SLC12A8: variants seen among roughly 807,000 people sequenced by gnomAD.
SLC12A8 encodes the protein cation-chloride cotransporter 9.
A neutral mutation model predicts 75.6 loss-of-function variants in SLC12A8; 69 were observed. That is an observed-to-expected ratio of 0.91 (90% CI 0.75 to 1.11). The LOEUF (loss-of-function observed/expected upper bound fraction) is 1.11. SLC12A8 is among the 50% of genes most tolerant of loss of function. The pLI is 0.00. For synonymous variants in SLC12A8, 365 were observed against 372.8 expected (o/e 0.98, Z 0.24); for missense variants, 877 against 896.7 (o/e 0.98, Z 0.28).
chr3:125,109,027 C>A (rs774224730), intron 9 of SLC12A8, among the ~76,000 whole-genome samples: 2 of 152,200 alleles, frequency 1.3e-5, no homozygotes, highest in Non-Finnish European at 2.9e-5. Context: ...AGTTCTTGGG[C>A]CAAAAGCAAC....
intron 6 of SLC12A8, among the ~76,000 whole-genome samples, chr3:125,121,585 A>AT (rs1336000410): frequency 1.3e-5 from 2 of 152,150 alleles, no homozygotes; most frequent in Non-Finnish European, 1.5e-5. Flanking sequence ...CTTTACATGC[A>AT]TTTTTTTATC....
At chr3:125,112,461 C>G (rs1939211513) in intron 8 of SLC12A8, among the ~76,000 whole-genome samples, 1 of 152,130 alleles carries the variant, frequency 6.6e-6, no homozygotes, top group Non-Finnish European at 1.5e-5. Context: ...CTGCCAGCAC[C>G]CTGAGCACCT....
Position 125,155,625 on chromosome 3 carries a change from G to GCGAGCAC in SLC12A8, c.623-19844_623-19843insGTGCTCG, listed in dbSNP as rs538840861. Among the ~76,000 whole-genome samples the GCGAGCAC allele has an allele frequency of 3.3e-5, 4 of 119,586 alleles. 1 individual carries two copies. Among genetic ancestry groups the GCGAGCAC allele is most frequent in the East Asian group, 2.5e-4 (1 of 3,958 alleles). The allele number at this position is 119,586 out of a possible 152,430, so 78.5% of individuals were successfully genotyped here. A position where few individuals can be genotyped will look rare whatever the true frequency, so the allele number is the denominator to read the frequency against. On this transcript the variant is annotated intron_variant, in intron 5 of 13. Coordinates refer to ENST00000469902, the MANE Select transcript of SLC12A8 (RefSeq NM_024628.6). ...TCTCTACTAAAAATACAAAAAAGTA[G>GCGAGCAC]CTGTAGTCCCAGCTACTCGGGAGGC...
At chr3:125,117,548 T>A (rs771441910) in intron 8 of SLC12A8, among the ~76,000 whole-genome samples, 27 of 152,142 alleles carry the variant, frequency 1.8e-4, no homozygotes, top group Non-Finnish European at 3.7e-4. Context: ...ATGAGCCATG[T>A]TCACGTCACT....
chr3:125,149,144 C>T (rs1040556620), intron 5 of SLC12A8, among the ~76,000 whole-genome samples: 7 of 152,202 alleles, frequency 4.6e-5, no homozygotes, highest in East Asian at 1.9e-4. Flanking sequence ...GCCAGGGAGT[C>T]GGGCCAGCCC....
chr3:125,206,645 A>C (rs1221819447), intron 2 of SLC12A8: 1 of 152,284 alleles, frequency 6.6e-6, no homozygotes, highest in Non-Finnish European at 1.5e-5. Context: ...GTGCATTGCT[A>C]TAAAGAAATA....
intron 5 of SLC12A8, among the ~76,000 whole-genome samples, chr3:125,172,048 C>T (rs1033617364): frequency 9.9e-5 from 15 of 152,114 alleles, no homozygotes; most frequent in Admixed American, 3.9e-4. Flanking sequence ...CAGAGGCAGG[C>T]GGATCACCTG....
chr3:125,189,695 G>A (rs959752962), intron 3 of SLC12A8, among the ~76,000 whole-genome samples: 2 of 152,200 alleles, frequency 1.3e-5, no homozygotes, highest in African/African-American at 4.8e-5. Context: ...TGACTGGCTT[G>A]CCTTTTGTTC....
intron 2 of SLC12A8, among the ~76,000 whole-genome samples, chr3:125,199,687 A>G (rs1297912996): frequency 6.6e-6 from 1 of 152,012 alleles, no homozygotes; most frequent in Non-Finnish European, 1.5e-5. Context: ...TCGAGGCTAC[A>G]ATGAACTATG....
At chr3:125,137,851 T>G (rs1933529789) in intron 5 of SLC12A8, among the ~76,000 whole-genome samples, 1 of 152,190 alleles carries the variant, frequency 6.6e-6, no homozygotes, top group South Asian at 2.1e-4. Flanking sequence ...AGTTGCCATC[T>G]CTTGCAGGGC....
chr3:125,099,658 G>A lies in SLC12A8; in HGVS notation c.1706-7460C>T, dbSNP rs1000588722. Reference sequence around the variant, plus strand: ...AAATATAAACTAAAGGCCAGGTACAGTGGCTCATGCCTGTAATCCCAGCAC... The same window carrying A: ...AAATATAAACTAAAGGCCAGGTACAATGGCTCATGCCTGTAATCCCAGCAC... On this transcript the variant is annotated intron_variant, in intron 10 of 13. Coordinates refer to ENST00000469902, the MANE Select transcript of SLC12A8 (RefSeq NM_024628.6). 2.0e-5 allele frequency among the ~76,000 whole-genome samples: 3 copies of A among 152,360 alleles called. No homozygotes were observed. In the South Asian group the frequency reaches 6.2e-4, roughly 32 times the overall value.
chr3:125,121,927 C>T (rs1933071015), intron 6 of SLC12A8, among the ~76,000 whole-genome samples: 1 of 152,154 alleles, frequency 6.6e-6, no homozygotes, highest in African/African-American at 2.4e-5. Context: ...GAGGACTTTA[C>T]CCATCGTAGG....
At chr3:125,138,128 G>T (rs1412279628) in intron 5 of SLC12A8, among the ~76,000 whole-genome samples, 1 of 152,244 alleles carries the variant, frequency 6.6e-6, no homozygotes. Flanking sequence ...GGGGTCGGGT[G>T]CAGTGGCTCA....
intron 2 of SLC12A8, among the ~76,000 whole-genome samples, chr3:125,202,312 C>A (rs1027679848): frequency 6.6e-5 from 10 of 152,066 alleles, no homozygotes; most frequent in Non-Finnish European, 1.3e-4. Context: ...TGTGTTTTGG[C>A]CAGAGAAAGT....
chr3:125,203,359 C>T (rs1286728354), intron 2 of SLC12A8, among the ~76,000 whole-genome samples: 1 of 152,028 alleles, frequency 6.6e-6, no homozygotes, highest in East Asian at 1.9e-4. Flanking sequence ...CCATGGTAGC[C>T]AAAACAGCAT....
At chr3:125,207,951 T>C (rs1250004973) in intron 2 of SLC12A8, among the ~76,000 whole-genome samples, 1 of 152,234 alleles carries the variant, frequency 6.6e-6, no homozygotes, top group Non-Finnish European at 1.5e-5. Flanking sequence ...TGGCATCTCC[T>C]TTAATCTCAT....
At chr3:125,177,995 G>A in intron 4 of SLC12A8, 21 bp from the exon 5 acceptor site, 3 of 1,596,830 alleles carry the variant, frequency 1.9e-6, no homozygotes, top group Middle Eastern at 1.7e-4. Context: ...ATTCCAGGTA[G>A]AAGAGTCAGC....
At chr3:125,140,397 C>A (rs1227381917) in intron 5 of SLC12A8, among the ~76,000 whole-genome samples, 1 of 152,200 alleles carries the variant, frequency 6.6e-6, no homozygotes, top group Admixed American at 6.5e-5. Flanking sequence ...GAAGCCAGGC[C>A]TCTCTCCAGG....
chr3:125,175,124 AT>A (rs1208297308), intron 5 of SLC12A8, among the ~76,000 whole-genome samples: 14 of 152,038 alleles, frequency 9.2e-5, no homozygotes, highest in Non-Finnish European at 1.5e-4. Context: ...AAGTGAATTA[AT>A]TTTTTTTAAA....
Sources: gnomAD v4.1 joint callset for allele counts (sites outside exome capture counted in the v4.1 genomes callset) on GRCh38, gnomAD v4.1.1 for gene constraint, MANE v1.5 for transcripts, NCBI Gene and HGNC (gene_info 2026-07-23, HGNC 2026-07-21) for gene names.